The following PTP4A3 variants were observed in gnomAD, a reference collection of about 807,000 sequenced individuals.
PTP4A3 encodes protein tyrosine phosphatase type IVA 3.
In PTP4A3, 9 loss-of-function variants were observed where a neutral mutation model predicts 15.2. That is an observed-to-expected ratio of 0.59 (90% CI 0.36 to 1.03). PTP4A3 has a LOEUF of 1.03. Among genes scored for constraint, PTP4A3 ranks in the 50% least tolerant of loss-of-function variants. The probability of loss-of-function intolerance (pLI) is 0.02; values close to 1 mark genes in which losing one functional copy is unlikely to be tolerated. For synonymous variants in PTP4A3, 95 were observed against 102.0 expected, an observed-to-expected ratio of 0.93 and a Z score of 0.41; for missense variants, 234 against 252.1, an observed-to-expected ratio of 0.93 and a Z score of 0.49.
At position 141,431,508 on chromosome 8, in the gene PTP4A3, A is replaced by C; in HGVS notation, c.*464A>C. 6.4e-6 allele frequency: 1 copy of C among 155,760 alleles called. No homozygotes were observed. Among genetic ancestry groups the C allele is most frequent in the Non-Finnish European group, 1.4e-5 (1 of 70,524 alleles). 9.6% of individuals were successfully genotyped at this position (155,760 alleles called of 1,614,324 possible). On this transcript the variant is annotated 3_prime_UTR_variant, in exon 6 of 6. Coordinates refer to ENST00000521578, the MANE Select transcript of PTP4A3 (RefSeq NM_032611.3). ...TGCTCCGGACACCCGAAGGCAATAAAACAGGAGCCGTGGCCGTGTGTGTGG... is the reference window on the plus strand; with the variant it reads ...TGCTCCGGACACCCGAAGGCAATAACACAGGAGCCGTGGCCGTGTGTGTGG...
intron 1 of PTP4A3, among the ~76,000 whole-genome samples, chr8:141,409,776 G>A (rs1255091133): frequency 2.0e-5 from 3 of 152,210 alleles, no homozygotes; most frequent in South Asian, 2.1e-4. Flanking sequence ...GCTGCCCAGC[G>A]TGCCCAGCTC....
intron 1 of PTP4A3, among the ~76,000 whole-genome samples, chr8:141,405,648 C>T (rs1832702189): frequency 6.6e-6 from 1 of 152,194 alleles, no homozygotes; most frequent in Admixed American, 6.5e-5. Context: ...CCATTGAGAA[C>T]CAGGGAGCCG....
chr8:141,414,136 G>A (rs1832950658), intron 1 of PTP4A3, among the ~76,000 whole-genome samples: 1 of 152,220 alleles, frequency 6.6e-6, no homozygotes, highest in Non-Finnish European at 1.5e-5. Context: ...GCTTGCCAGA[G>A]CTTCCCATTG....
chr8:141,404,377 C>T (rs1051022092), intron 1 of PTP4A3, among the ~76,000 whole-genome samples: 1 of 152,246 alleles, frequency 6.6e-6, no homozygotes, highest in Non-Finnish European at 1.5e-5. Flanking sequence ...AGGGGACTCT[C>T]ATAGGATTGG....
intron 2 of PTP4A3, 71 bp downstream of exon 2, chr8:141,422,416 G>T (rs1005074407): frequency 3.2e-6 from 5 of 1,563,294 alleles, no homozygotes; most frequent in Admixed American, 3.4e-5. Context: ...CTGCCCTCAG[G>T]CCTCGCAAGA....
chr8:141,393,271 C>T (rs1430790678), intron 1 of PTP4A3, among the ~76,000 whole-genome samples: 1 of 152,228 alleles, frequency 6.6e-6, no homozygotes, highest in Non-Finnish European at 1.5e-5. Context: ...TTGTTGTCCC[C>T]ATCTGCAAAG....
At position 141,431,116 on chromosome 8, in the gene PTP4A3, C is replaced by T; in HGVS notation, c.*72C>T. On this transcript the variant is annotated 3_prime_UTR_variant, in exon 6 of 6. Transcript: ENST00000521578. Reference sequence around the variant, plus strand: ...GCTGGACCTGGAGGCCCTGCCCAGCCCTGCTCTGCCCAGCCCAGCAGGGGC... The same window carrying T: ...GCTGGACCTGGAGGCCCTGCCCAGCTCTGCTCTGCCCAGCCCAGCAGGGGC... 6.9e-7 allele frequency: 1 copy of T among 1,443,482 alleles called. No individual in the cohort carries two copies. The allele number at this position is 1,443,482 out of a possible 1,614,324, so 89.4% of individuals were successfully genotyped here.
intron 5 of PTP4A3, among the ~76,000 whole-genome samples, chr8:141,430,638 G>T (rs1404044799): frequency 6.6e-6 from 1 of 152,178 alleles, no homozygotes; most frequent in East Asian, 1.9e-4. Context: ...CTTGGGGTGG[G>T]TCCTACCGAG....
At chr8:141,401,984 A>T (rs1033006855) in intron 1 of PTP4A3, among the ~76,000 whole-genome samples, 1 of 152,144 alleles carries the variant, frequency 6.6e-6, no homozygotes, top group Non-Finnish European at 1.5e-5. Flanking sequence ...TGCCAGGGCC[A>T]TTCCTCCAGC....
At chr8:141,411,161 C>T (rs1040156971) in intron 1 of PTP4A3, among the ~76,000 whole-genome samples, 1 of 152,164 alleles carries the variant, frequency 6.6e-6, no homozygotes, top group Non-Finnish European at 1.5e-5. Flanking sequence ...AGACAGTGGC[C>T]GAGCCCCGCT....
chr8:141,396,799 C>T (rs922727107), intron 1 of PTP4A3, among the ~76,000 whole-genome samples: 1 of 152,170 alleles, frequency 6.6e-6, no homozygotes, highest in Non-Finnish European at 1.5e-5. Context: ...GACAAGACCA[C>T]GCATAACCCG....
rs186281162 is a variant in PTP4A3 at position 141,406,519 on chromosome 8, G to A, written c.-854+14435G>A. Reference sequence around the variant, plus strand: ...CCTGCCTCTGGCCCTTGCTCAAGCCGCGCCCCCATCTGGATGCCCACTTCT... The same window carrying A: ...CCTGCCTCTGGCCCTTGCTCAAGCCACGCCCCCATCTGGATGCCCACTTCT... On this transcript the variant is annotated intron_variant, in intron 1 of 5. Transcript: ENST00000521578. This position sits in a 1 kb window ranked among gnomAD's most constrained non-coding sequence, Gnocchi z 4.5. Among the ~76,000 whole-genome samples, 2 of 152,158 alleles carry A rather than the reference G, an allele frequency of 1.3e-5. No homozygotes were observed. The highest frequency in any genetic ancestry group is 4.8e-5 in the African/African-American group (2 of 41,518).
Position 141,426,791 on chromosome 8 carries a change from T to G in PTP4A3, c.199-148T>G, listed in dbSNP as rs1833594379. On this transcript the variant is annotated intron_variant, in intron 3 of 5. Coordinates refer to ENST00000521578, the MANE Select transcript of PTP4A3 (RefSeq NM_032611.3). ...GGTGCCCATAGGCAAGCTGTGCCCC[T>G]CCTGTGTGCCCTCTGGGTCTGCTGC... 3.5e-6 allele frequency: 5 copies of G among 1,419,592 alleles called. No individual in the cohort carries two copies. In the Admixed American group the frequency reaches 6.8e-5, roughly 19 times the overall value. 87.9% of individuals were successfully genotyped at this position (1,419,592 alleles called of 1,614,324 possible). A position where few individuals can be genotyped will look rare whatever the true frequency, so the allele number is the denominator to read the frequency against.
chr8:141,428,300 C>A (rs983879214), intron 5 of PTP4A3, among the ~76,000 whole-genome samples: 5 of 152,096 alleles, frequency 3.3e-5, no homozygotes, highest in African/African-American at 9.6e-5. Flanking sequence ...AGCCCCTCCC[C>A]GCCCTCCTTA....
chr8:141,422,752 G>A (rs12549500), intron 2 of PTP4A3, among the ~76,000 whole-genome samples: 24,702 of 152,146 alleles, frequency 0.16, 2,080 homozygotes, highest in Middle Eastern at 0.2. Flanking sequence ...CCTCAGGTTA[G>A]ACCAGGCTGG....
intron 4 of PTP4A3, among the ~76,000 whole-genome samples, 169 bp from the exon 5 acceptor site, chr8:141,427,581 A>G (rs1833636502): frequency 6.6e-6 from 1 of 152,120 alleles, no homozygotes; most frequent in African/African-American, 2.4e-5. Context: ...CAGGATTTAG[A>G]CCCAGTGCTC....
chr8:141,401,274 C>A (rs1264331954), intron 1 of PTP4A3, among the ~76,000 whole-genome samples: 1 of 152,128 alleles, frequency 6.6e-6, no homozygotes, highest in Non-Finnish European at 1.5e-5. Flanking sequence ...ACCTGCACAT[C>A]TGCACGTCCT....
chr8:141,422,713 T>C (rs796425128), intron 2 of PTP4A3, among the ~76,000 whole-genome samples: 7 of 152,280 alleles, frequency 4.6e-5, no homozygotes, highest in African/African-American at 1.7e-4. Flanking sequence ...CCCTTTGCTG[T>C]CCCAGATGTT....
rs527736008 is a variant in PTP4A3 at position 141,415,624 on chromosome 8, CG to C, written c.-853-5758del. Among the ~76,000 whole-genome samples, 245 of 38,420 alleles carry C rather than the reference CG, an allele frequency of 6.4e-3. 2 individuals are homozygous for C. The highest frequency in any genetic ancestry group is 0.048 in the Middle Eastern group (6 of 126). 25.2% of individuals were successfully genotyped at this position (38,420 alleles called of 152,430 possible). On this transcript the variant is annotated intron_variant, in intron 1 of 5. Coordinates refer to ENST00000521578, the MANE Select transcript of PTP4A3 (RefSeq NM_032611.3). ...GGGCCCTTTTGACGTGCGCGGAGGG[CG>C]GGGGGCAGGGGGCGGGGCGGGGGGG...
Sources: allele counts gnomAD v4.1 joint callset (sites outside exome capture counted in the v4.1 genomes callset), GRCh38; gene constraint gnomAD v4.1.1; non-coding constraint Gnocchi (gnomAD v3.1); transcripts MANE v1.5; gene names NCBI Gene and HGNC (gene_info 2026-07-23, HGNC 2026-07-21).